HHIPL1: variants seen among roughly 807,000 people sequenced by gnomAD.
The protein encoded by HHIPL1 is HHIP-like protein 1.
Under a neutral mutation model 61.8 loss-of-function variants are expected in HHIPL1, and 43 were observed. The observed-to-expected ratio is 0.70, with a 90% CI of 0.55 to 0.90. The LOEUF is 0.90. Among genes scored for constraint, HHIPL1 ranks in the 40% least tolerant of loss-of-function variants. The pLI is 0.00. For synonymous variants in HHIPL1, 482 were observed against 515.8 expected, an observed-to-expected ratio of 0.93 and a Z score of 0.89; for missense variants, 1,056 against 1,157.7, an observed-to-expected ratio of 0.91 and a Z score of 1.28.
intron 6 of HHIPL1, among the ~76,000 whole-genome samples, chr14:99,664,771 C>T (rs2056215161): frequency 2.0e-5 from 3 of 152,098 alleles, no homozygotes; most frequent in Non-Finnish European, 4.4e-5. Flanking sequence ...CCCCTTTGCC[C>T]TCTGAAAGTT....
intron 6 of HHIPL1, among the ~76,000 whole-genome samples, chr14:99,663,648 G>T (rs1370102124): frequency 6.6e-6 from 1 of 152,120 alleles, no homozygotes; most frequent in African/African-American, 2.4e-5. Context: ...ATTTTACCCA[G>T]CTCTTATTTA....
At position 99,660,436 on chromosome 14, in the gene HHIPL1, G is replaced by C; in HGVS notation, c.1502+30G>C. 6.3e-7 allele frequency: 1 copy of C among 1,597,532 alleles called. No individual in the cohort carries two copies. ...GTGACCTAGTGCCCTCGCGCCCCTG[G>C]CTGCTGCCACTGGCTCCTTGGGACT... is the stretch of plus-strand genomic sequence containing the variant. On this transcript the variant is annotated intron_variant, in intron 5 of 8. Coordinates refer to ENST00000330710, the MANE Select transcript of HHIPL1 (RefSeq NM_001127258.3). This position sits in a 1 kb window ranked among gnomAD's most constrained non-coding sequence, Gnocchi z 4.9.
Position 99,663,040 on chromosome 14 carries a change from T to G in HHIPL1, c.1648+19T>G. 6.4e-7 allele frequency: 1 copy of G among 1,573,802 alleles called. No homozygotes were observed. Among genetic ancestry groups the G allele is most frequent in the Non-Finnish European group, 8.6e-7 (1 of 1,160,636 alleles). ...GAGGCCGGTGAGCACTCCTGAGACC[T>G]CTCCTTGCTGGTTGCTCGTGCCTGG... On this transcript the variant is annotated intron_variant, in intron 6 of 8. Coordinates refer to ENST00000330710, the MANE Select transcript of HHIPL1 (RefSeq NM_001127258.3).
chr14:99,622,815 C>T, the HHIPL1 span, among the ~76,000 whole-genome samples: 1 of 152,194 alleles, frequency 6.6e-6, no homozygotes, highest in Admixed American at 6.5e-5. Flanking sequence ...TCACTTTCCT[C>T]GTCTGTAAAA....
chr14:99,634,676 G>A, the HHIPL1 span, among the ~76,000 whole-genome samples: 84 of 152,230 alleles, frequency 5.5e-4, no homozygotes, highest in Non-Finnish European at 7.5e-4. Context: ...ATAAGGAAAC[G>A]GGCTCAGCCA....
the HHIPL1 span, among the ~76,000 whole-genome samples, chr14:99,634,236 G>T: frequency 6.6e-6 from 1 of 152,172 alleles, no homozygotes; most frequent in African/African-American, 2.4e-5. Flanking sequence ...TTCTATTGAG[G>T]CTGGGGCTGG....
chr14:99,613,442 C>T, the HHIPL1 span, among the ~76,000 whole-genome samples: 2 of 151,544 alleles, frequency 1.3e-5, no homozygotes, highest in Non-Finnish European at 2.9e-5. Context: ...TCTCACACCT[C>T]GACCTCCTGA....
chr14:99,645,273 G>A lies in HHIPL1; in HGVS notation c.66G>A (p.Gln22=), dbSNP rs1457435597. ...TGCTCGGGGCCGCCGCGCATCCGCA[G>A]TGCCTGGACTTCAGGCCGCCCTTCC... The part of the protein sequence containing the change: ...LWVLGAAAHP[Q]CLDFRPPFRP... The change falls in exon 1 of 9, where the codon CAG becomes CAA. Residue 22 remains glutamine (Q), a synonymous_variant. Transcript: ENST00000330710. 2.8e-6 allele frequency: 4 copies of A among 1,438,470 alleles called. No homozygotes were observed. The highest frequency in any genetic ancestry group is 2.7e-6 in the Non-Finnish European group (3 of 1,100,076). The allele number at this position is 1,438,470 out of a possible 1,614,324, so 89.1% of individuals were successfully genotyped here. A position where few individuals can be genotyped will look rare whatever the true frequency, so the allele number is the denominator to read the frequency against.
chr14:99,655,189 T>C (rs8006161), intron 2 of HHIPL1, among the ~76,000 whole-genome samples: 4,478 of 152,330 alleles, frequency 0.029, 212 homozygotes, highest in African/African-American at 0.1. Context: ...ACCTGGAGTT[T>C]GGAGCTCTGT....
upstream of HHIPL1, among the ~76,000 whole-genome samples, chr14:99,640,485 A>G (rs560649693): frequency 5.9e-5 from 9 of 152,138 alleles, no homozygotes; most frequent in South Asian, 1.9e-3. Context: ...GGGCTTTGCC[A>G]TGCTGCCCAA....
At chr14:99,608,404 G>T in the HHIPL1 span, among the ~76,000 whole-genome samples, 1 of 152,198 alleles carries the variant, frequency 6.6e-6, no homozygotes, top group East Asian at 1.9e-4. Flanking sequence ...CCTATGAGGA[G>T]GTGTCATTAG....
the HHIPL1 span, among the ~76,000 whole-genome samples, chr14:99,617,118 A>T: frequency 6.6e-6 from 1 of 152,008 alleles, no homozygotes; most frequent in African/African-American, 2.4e-5. Flanking sequence ...CACTAGCACT[A>T]GGTTTAGAGT....
At chr14:99,630,998 G>T in the HHIPL1 span, among the ~76,000 whole-genome samples, 5 of 152,030 alleles carry the variant, frequency 3.3e-5, no homozygotes, top group African/African-American at 1.2e-4. Flanking sequence ...ACTGGATAAG[G>T]ATGCACTCTA....
In HHIPL1 at chr14:99,660,353, C is replaced by T; in HGVS notation, c.1449C>T (p.Gly483=). ...TCACAGGGGGCTACGTGTACCGGGGCTGCGAGTACCCCAACCTGAACGGCC... is the reference window on the plus strand; with the variant it reads ...TCACAGGGGGCTACGTGTACCGGGGTTGCGAGTACCCCAACCTGAACGGCC... ...KSVTGGYVYR[G]CEYPNLNGLY... The change falls in exon 5 of 9, where the codon GGC becomes GGT. Residue 483 remains glycine, a synonymous_variant. Transcript: ENST00000330710. The surrounding 1 kb of genome is among the most constrained non-coding windows in gnomAD (Gnocchi z 4.9). 2 of 1,614,162 alleles carry T rather than the reference C, an allele frequency of 1.2e-6. No homozygotes were observed. The highest frequency in any genetic ancestry group is 1.7e-6 in the Non-Finnish European group (2 of 1,180,018).
intron 3 of HHIPL1, among the ~76,000 whole-genome samples, chr14:99,657,728 T>C (rs1318739504): frequency 6.6e-6 from 1 of 151,178 alleles, no homozygotes; most frequent in African/African-American, 2.5e-5. Flanking sequence ...TGTACACACA[T>C]ATATACACAC....
In HHIPL1 at chr14:99,652,371, C is replaced by T; in HGVS notation, c.403C>T (p.Leu135Phe). ...LFRHLSTDQELWALEGNLARF... is the reference protein window; with the variant it reads ...LFRHLSTDQEFWALEGNLARF... ...CCGTCACCTGTCAACTGACCAGGAG[C>T]TCTGGGCGCTGGAGGGCAACCTTGC... The change falls in exon 2 of 9, where the codon CTC (leucine) becomes TTC (phenylalanine). Residue 135 changes from leucine (L) to phenylalanine (F), a missense_variant. Transcript: ENST00000330710. 1.2e-6 allele frequency: 2 copies of T among 1,614,232 alleles called. No individual in the cohort carries two copies. The highest frequency in any genetic ancestry group is 1.7e-6 in the Non-Finnish European group (2 of 1,180,050).
At chr14:99,605,097 G>A in the HHIPL1 span, among the ~76,000 whole-genome samples, 1 of 152,200 alleles carries the variant, frequency 6.6e-6, no homozygotes, top group Non-Finnish European at 1.5e-5. Context: ...CCCCTGCCCG[G>A]AGCGGCGCTC....
the HHIPL1 span, among the ~76,000 whole-genome samples, chr14:99,614,369 G>GAGGA: frequency 2.0e-5 from 3 of 152,138 alleles, no homozygotes; most frequent in Non-Finnish European, 4.4e-5. Flanking sequence ...ACTCTGCAAT[G>GAGGA]AGGAAGCTCC....
At chr14:99,623,135 A>G in the HHIPL1 span, among the ~76,000 whole-genome samples, 6 of 152,222 alleles carry the variant, frequency 3.9e-5, no homozygotes, top group Non-Finnish European at 7.3e-5. Flanking sequence ...CTAGGAGGAA[A>G]GCCATGCTCA....
Sources: gnomAD v4.1 joint callset for allele counts (sites outside exome capture counted in the v4.1 genomes callset) on GRCh38, gnomAD v4.1.1 for gene constraint, Gnocchi (gnomAD v3.1) non-coding constraint, MANE v1.5 for transcripts, NCBI Gene and HGNC (gene_info 2026-07-23, HGNC 2026-07-21) for gene names.